SPATA13: variants seen among roughly 807,000 people sequenced by gnomAD.
The protein encoded by SPATA13 is spermatogenesis associated 13.
In SPATA13, 50 loss-of-function variants were observed where a neutral mutation model predicts 104.0. The ratio of observed to expected loss-of-function variants is 0.48; its 90% confidence interval spans 0.38 to 0.61. SPATA13 has a LOEUF of 0.61. Ranked by LOEUF, SPATA13 falls within the 20% of genes least tolerant of loss-of-function variation. The probability of loss-of-function intolerance (pLI) is 0.00; values close to 1 mark genes in which losing one functional copy is unlikely to be tolerated. For synonymous variants in SPATA13, 606 were observed against 667.5 expected (o/e 0.91, Z 1.42); for missense variants, 1,524 against 1,690.6 (o/e 0.90, Z 1.73).
chr13:24,090,841 C>G (rs747021730), intron 3 of SPATA13, among the ~76,000 whole-genome samples: 3 of 152,174 alleles, frequency 2.0e-5, no homozygotes, highest in Non-Finnish European at 4.4e-5. Flanking sequence ...CTAAACTTTC[C>G]TGTTTCTTTT....
At chr13:24,263,754 G>A (rs947606367) in intron 4 of SPATA13, among the ~76,000 whole-genome samples, 1 of 152,224 alleles carries the variant, frequency 6.6e-6, no homozygotes, top group Non-Finnish European at 1.5e-5. Context: ...GTCCACAGAT[G>A]TGTAACCCAC....
intron 1 of SPATA13, among the ~76,000 whole-genome samples, chr13:24,194,366 A>C (rs1312432343): frequency 6.6e-6 from 1 of 152,212 alleles, no homozygotes; most frequent in East Asian, 1.9e-4. Context: ...GGGACTTGCA[A>C]GAGTAGGACA....
At chr13:24,215,291 A>T (rs1378729934) in intron 1 of SPATA13, among the ~76,000 whole-genome samples, 1 of 152,228 alleles carries the variant, frequency 6.6e-6, no homozygotes, top group Non-Finnish European at 1.5e-5. Context: ...ATCTCAGTTC[A>T]ATTAGAAGAC....
At chr13:24,025,726 C>T (rs1354082757) in intron 3 of SPATA13, among the ~76,000 whole-genome samples, 1 of 152,076 alleles carries the variant, frequency 6.6e-6, no homozygotes, top group African/African-American at 2.4e-5. Flanking sequence ...AGAATTTGAG[C>T]ATCTTTTCAT....
At chr13:24,072,825 C>CTCTTTTTTT (rs1555259341) in intron 3 of SPATA13, among the ~76,000 whole-genome samples, 3 of 120,672 alleles carry the variant, frequency 2.5e-5, no homozygotes, top group African/African-American at 9.3e-5. Context: ...CTGTTGGCTC[C>CTCTTTTTTT]TTTTTTTTTT....
upstream of SPATA13, among the ~76,000 whole-genome samples, chr13:24,158,844 G>A (rs987514027): frequency 1.3e-5 from 2 of 152,162 alleles, no homozygotes; most frequent in Non-Finnish European, 2.9e-5. Flanking sequence ...CACTCGCCCA[G>A]GGCTTGTACA....
chr13:24,109,354 A>G (rs970457159), intron 3 of SPATA13, among the ~76,000 whole-genome samples: 3 of 152,158 alleles, frequency 2.0e-5, no homozygotes, highest in African/African-American at 7.2e-5. Context: ...AATCCGGTCT[A>G]TCATTGATGG....
intron 3 of SPATA13, among the ~76,000 whole-genome samples, chr13:24,029,784 C>A (rs1022925328): frequency 1.3e-5 from 2 of 152,040 alleles, no homozygotes; most frequent in Non-Finnish European, 2.9e-5. Flanking sequence ...CCACCCTCCA[C>A]CCTCCGATAG....
chr13:24,284,286 C>T lies in SPATA13; in HGVS notation c.2301+15C>T, dbSNP rs1180360478. 1 of 1,612,186 alleles carries T rather than the reference C, an allele frequency of 6.2e-7. No homozygotes were observed. The highest frequency in any genetic ancestry group is 1.7e-4 in the Middle Eastern group (1 of 5,912). On this transcript the variant is annotated intron_variant, in intron 5 of 12. Coordinates refer to ENST00000382108, the MANE Select transcript of SPATA13 (RefSeq NM_001166271.3). ...CCATCAATGAGGTACTGGAATTCCA[C>T]ACGACAGTAGTGGATACGGGATACC... is the stretch of plus-strand genomic sequence containing the variant.
chr13:24,110,521 C>T (rs1334555533), intron 3 of SPATA13, among the ~76,000 whole-genome samples: 4 of 152,198 alleles, frequency 2.6e-5, no homozygotes, highest in Non-Finnish European at 5.9e-5. Flanking sequence ...TCTGCATCAG[C>T]CCCCAGTCTA....
intron 3 of SPATA13, among the ~76,000 whole-genome samples, chr13:24,048,960 C>A (rs1878244016): frequency 6.6e-6 from 1 of 151,828 alleles, no homozygotes; most frequent in African/African-American, 2.4e-5. Flanking sequence ...AATGACAAAA[C>A]AAAACAAAAG....
chr13:24,059,423 T>A (rs1445128244), intron 3 of SPATA13, among the ~76,000 whole-genome samples: 1 of 152,178 alleles, frequency 6.6e-6, no homozygotes, highest in Non-Finnish European at 1.5e-5. Context: ...TGATTTCCAG[T>A]CTCACTGGCT....
chr13:24,248,406 C>T (rs1873285318), intron 2 of SPATA13, among the ~76,000 whole-genome samples: 1 of 152,240 alleles, frequency 6.6e-6, no homozygotes, highest in African/African-American at 2.4e-5. Context: ...AGTGACTGAA[C>T]ATGTCTGCTC....
Position 24,297,507 on chromosome 13 carries a change from G to A in SPATA13, c.3355G>A (p.Asp1119Asn). 1 of 1,614,220 alleles carries A rather than the reference G, an allele frequency of 6.2e-7. No homozygotes were observed. The highest frequency in any genetic ancestry group is 1.1e-5 in the South Asian group (1 of 91,088). ...CTGCAAGAAGGACCTGCTGCGCAGG[G>A]ACATGCTGTACTACAAGGGCCGGCT... ...VSCKKDLLRRDMLYYKGRLDM... is the reference protein window; with the variant it reads ...VSCKKDLLRRNMLYYKGRLDM... Residue 1119 changes from aspartate (D) to asparagine (N), a missense_variant, in exon 11 of 13, where the codon GAC becomes AAC. Physicochemically the swap from Asp to Asn is conservative, Grantham distance 23. This residue lies in a region of SPATA13 where 435 missense variants were observed against 554.8 expected (regional missense o/e 0.78). Coordinates refer to ENST00000382108, the MANE Select transcript of SPATA13 (RefSeq NM_001166271.3).
chr13:24,004,831 G>A (rs1469391726), intron 2 of SPATA13, among the ~76,000 whole-genome samples: 1 of 152,094 alleles, frequency 6.6e-6, no homozygotes, highest in East Asian at 1.9e-4. Context: ...CAAAATGCCA[G>A]CCACCTGAGA....
intron 1 of SPATA13, among the ~76,000 whole-genome samples, chr13:24,186,257 T>C (rs1869143944): frequency 6.6e-6 from 1 of 152,120 alleles, no homozygotes; most frequent in Admixed American, 6.5e-5. Flanking sequence ...TTACATGATG[T>C]AGGGTTAATT....
intron 2 of SPATA13, among the ~76,000 whole-genome samples, chr13:24,014,921 C>T (rs919515037): frequency 1.6e-5 from 2 of 125,308 alleles, no homozygotes; most frequent in African/African-American, 2.9e-5. Context: ...GACAGAGTCT[C>T]GCTGTGTCGC....
intron 3 of SPATA13, among the ~76,000 whole-genome samples, chr13:24,074,462 G>C (rs1467571218): frequency 6.6e-6 from 1 of 151,980 alleles, no homozygotes; most frequent in Non-Finnish European, 1.5e-5. Context: ...GTATGGCTAT[G>C]AACCTGGGTG....
chr13:24,259,046 C>T (rs996011883), intron 4 of SPATA13, among the ~76,000 whole-genome samples: 3 of 152,308 alleles, frequency 2.0e-5, no homozygotes, highest in Non-Finnish European at 2.9e-5. Flanking sequence ...TGCAGGCTGC[C>T]CGTGAGCATC....
Sources: gnomAD v4.1 joint callset for allele counts (sites outside exome capture counted in the v4.1 genomes callset) on GRCh38, gnomAD v4.1.1 for gene constraint, gnomAD v4.1.1 regional missense constraint, MANE v1.5 for transcripts, NCBI Gene and HGNC (gene_info 2026-07-23, HGNC 2026-07-21) for gene names.